RLF: variants seen among roughly 807,000 people sequenced by gnomAD.
RLF encodes RLF zinc finger.
In RLF, 7 loss-of-function variants were observed where a neutral mutation model predicts 162.9. That is an observed-to-expected ratio of 0.04 (90% CI 0.02 to 0.08). The LOEUF is 0.08. Ranked by LOEUF, RLF falls within the 10% of genes least tolerant of loss-of-function variation. The probability of loss-of-function intolerance (pLI) is 1.00; values close to 1 mark genes in which losing one functional copy is unlikely to be tolerated. For synonymous variants in RLF, 782 were observed against 791.5 expected, an observed-to-expected ratio of 0.99 and a Z score of 0.20; for missense variants, 1,664 against 2,244.7, an observed-to-expected ratio of 0.74 and a Z score of 5.23.
chr1:40,239,523 T>A lies in RLF; in HGVS notation c.4821T>A (p.Asp1607Glu). Residue 1607 changes from aspartate (D) to glutamate (E), a missense_variant, in exon 8 of 8, where the codon GAT becomes GAA. Asp to Glu is a conservative substitution (Grantham distance 45, BLOSUM62 2). This residue lies in a region of RLF where 327 missense variants were observed against 342.7 expected (regional missense o/e 0.95). Transcript: ENST00000372771. Reference protein sequence around the residue: ...KIKEEPPSEADPCIKKEENRS... With the variant: ...KIKEEPPSEAEPCIKKEENRS... The stretch of plus-strand genomic sequence containing the variant: ...AGGAGGAACCCCCTTCTGAAGCAGA[T>A]CCCTGTATAAAGAAAGAAGAAAATA... 6.2e-7 allele frequency: 1 copy of A among 1,613,958 alleles called. No individual in the cohort carries two copies. Among genetic ancestry groups the A allele is most frequent in the South Asian group, 1.1e-5 (1 of 91,072 alleles).
chr1:40,209,568 C>T (rs561854983), intron 5 of RLF, among the ~76,000 whole-genome samples: 14 of 152,302 alleles, frequency 9.2e-5, no homozygotes, highest in African/African-American at 3.4e-4. Flanking sequence ...CCTATGACTT[C>T]ATCTACATTT....
chr1:40,199,139 C>G (rs187897808), intron 4 of RLF, among the ~76,000 whole-genome samples: 2 of 152,120 alleles, frequency 1.3e-5, no homozygotes, highest in East Asian at 1.9e-4. Flanking sequence ...CATGTAGTTA[C>G]AATTGTGGAG....
intron 1 of RLF, among the ~76,000 whole-genome samples, chr1:40,175,762 G>A (rs1035907999): frequency 3.4e-5 from 5 of 148,974 alleles, no homozygotes; most frequent in African/African-American, 1.2e-4. Flanking sequence ...TCCAGCCTGG[G>A]TGACAGAACA....
intron 4 of RLF, among the ~76,000 whole-genome samples, chr1:40,200,899 C>G (rs1055623027): frequency 3.3e-5 from 4 of 122,630 alleles, no homozygotes; most frequent in Admixed American, 7.9e-5. Flanking sequence ...CACACACACA[C>G]ACACACACAC....
chr1:40,167,495 G>A (rs1642183662), intron 1 of RLF, among the ~76,000 whole-genome samples: 1 of 152,060 alleles, frequency 6.6e-6, no homozygotes, highest in Non-Finnish European at 1.5e-5. Context: ...GTCTCTTACT[G>A]TGTACTGTGA....
chr1:40,180,759 G>A (rs1247684303), intron 1 of RLF, among the ~76,000 whole-genome samples: 1 of 152,082 alleles, frequency 6.6e-6, no homozygotes, highest in African/African-American at 2.4e-5. Context: ...GTGTTGTTGA[G>A]TTTTAGGAGG....
intron 1 of RLF, among the ~76,000 whole-genome samples, chr1:40,176,076 T>G (rs906288421): frequency 6.6e-6 from 1 of 152,238 alleles, no homozygotes; most frequent in African/African-American, 2.4e-5. Flanking sequence ...ATCTTGTATA[T>G]ATCAGTAGTT....
At chr1:40,180,295 G>A (rs1642388800) in intron 1 of RLF, among the ~76,000 whole-genome samples, 1 of 151,808 alleles carries the variant, frequency 6.6e-6, no homozygotes. Context: ...GTCTTGCTTT[G>A]TCACCCAGGC....
intron 1 of RLF, among the ~76,000 whole-genome samples, chr1:40,177,342 T>A (rs2124528472): frequency 1.3e-5 from 2 of 149,902 alleles, no homozygotes; most frequent in African/African-American, 4.9e-5. Context: ...CAGGCTGGAG[T>A]GCAGTGGTGT....
At chr1:40,226,841 TG>T (rs1643084950) in intron 6 of RLF, among the ~76,000 whole-genome samples, 1 of 152,110 alleles carries the variant, frequency 6.6e-6, no homozygotes, top group Non-Finnish European at 1.5e-5. Context: ...GAGTGATGTT[TG>T]TATGTATATA....
Position 40,239,685 on chromosome 1 carries a change from T to C in RLF, c.4983T>C (p.Phe1661=), listed in dbSNP as rs752154653. The stretch of plus-strand genomic sequence containing the variant: ...GGTGCATAGAAAGCAGCTCAGTATT[T>C]GATGCAGATACTCTGCTCTACAGGG... ...QKGCIESSSV[F]DADTLLYRGT... is the part of the protein sequence containing the mutation. The change falls in exon 8 of 8, where the codon TTT becomes TTC. Residue 1661 remains phenylalanine (F), a synonymous_variant. Coordinates refer to ENST00000372771, the MANE Select transcript of RLF (RefSeq NM_012421.4). 2 of 1,614,182 alleles carry C rather than the reference T, an allele frequency of 1.2e-6. No homozygotes were observed. The highest frequency in any genetic ancestry group is 1.1e-5 in the South Asian group (1 of 91,082).
intron 1 of RLF, among the ~76,000 whole-genome samples, chr1:40,183,641 A>AGTGT (rs1286152690): frequency 6.6e-6 from 1 of 152,158 alleles, no homozygotes; most frequent in Non-Finnish European, 1.5e-5. Context: ...GTGGTGATTA[A>AGTGT]GTGTGGGCTG....
At chr1:40,224,777 A>G (rs1428027971) in intron 6 of RLF, among the ~76,000 whole-genome samples, 3 of 150,118 alleles carry the variant, frequency 2.0e-5, no homozygotes, top group Non-Finnish European at 3.0e-5. Flanking sequence ...AGCTAAGGTC[A>G]GGAGTTCAAG....
intron 5 of RLF, among the ~76,000 whole-genome samples, chr1:40,212,186 C>T (rs1336427112): frequency 6.6e-6 from 1 of 152,066 alleles, no homozygotes; most frequent in Non-Finnish European, 1.5e-5. Flanking sequence ...GGGGGTATCC[C>T]AATAATAGGC....
chr1:40,193,304 CTT>C (rs1642586072), intron 3 of RLF, among the ~76,000 whole-genome samples: 1 of 152,166 alleles, frequency 6.6e-6, no homozygotes, highest in African/African-American at 2.4e-5. Context: ...TAAAAAATAA[CTT>C]TGCTATATTA....
Position 40,199,797 on chromosome 1 carries a change from TA to T in RLF, c.608-2614del, listed in dbSNP as rs765461746. On this transcript the variant is annotated intron_variant, in intron 4 of 7. Transcript: ENST00000372771. ...GATGTTAGGCAGGCAGAATAGGATA[TA>T]GGGGAGACGTGACAGGAAATAATAG... Among the ~76,000 whole-genome samples the T allele has an allele frequency of 8.5e-5, 13 of 152,152 alleles. 1 individual carries two copies. Among genetic ancestry groups the T allele is most frequent in the East Asian group, 3.9e-4 (2 of 5,182 alleles).
At chr1:40,183,503 G>A (rs1047342021) in intron 1 of RLF, among the ~76,000 whole-genome samples, 1 of 152,074 alleles carries the variant, frequency 6.6e-6, no homozygotes, top group Non-Finnish European at 1.5e-5. Context: ...TTGTAAACTC[G>A]GGAAGAAGGC....
Position 40,161,741 on chromosome 1 carries a change from C to T in RLF, c.237+105C>T, listed in dbSNP as rs563594057. 5.6e-6 allele frequency: 8 copies of T among 1,432,000 alleles called. No individual in the cohort carries two copies. In the South Asian group the frequency reaches 6.7e-5, roughly 12 times the overall value. The allele number at this position is 1,432,000 out of a possible 1,614,324, so 88.7% of individuals were successfully genotyped here. A position where few individuals can be genotyped will look rare whatever the true frequency, so the allele number is the denominator to read the frequency against. On this transcript the variant is annotated intron_variant, in intron 1 of 7. Transcript: ENST00000372771. This position sits in a 1 kb window ranked among gnomAD's most constrained non-coding sequence, Gnocchi z 4.4. ...GGGTCCAAACTGAAAGGCGCCACCTCCGTGACTCGCCGCGCCCCCGGGCCG... is the reference window on the plus strand; with the variant it reads ...GGGTCCAAACTGAAAGGCGCCACCTTCGTGACTCGCCGCGCCCCCGGGCCG...
intron 1 of RLF, among the ~76,000 whole-genome samples, chr1:40,180,198 C>G (rs1017308780): frequency 1.3e-5 from 2 of 152,164 alleles, no homozygotes; most frequent in Admixed American, 1.3e-4. Context: ...ACATTTCTAC[C>G]AGCAATGCAC....
Sources: gnomAD v4.1 joint callset for allele counts (sites outside exome capture counted in the v4.1 genomes callset) on GRCh38, gnomAD v4.1.1 for gene constraint, gnomAD v4.1.1 regional missense constraint, Gnocchi (gnomAD v3.1) non-coding constraint, MANE v1.5 for transcripts, NCBI Gene and HGNC (gene_info 2026-07-23, HGNC 2026-07-21) for gene names.